Variants in MCF2L observed in about 807,000 individuals in gnomAD.
MCF2L encodes the protein guanine nucleotide exchange factor DBS.
A neutral mutation model predicts 153.4 loss-of-function variants in MCF2L; 97 were observed. The observed-to-expected ratio is 0.63, with a 90% confidence interval of 0.54 to 0.75. MCF2L has a LOEUF of 0.75. Ranked by LOEUF, MCF2L falls within the 30% of genes least tolerant of loss-of-function variation. The pLI is 0.00. For synonymous variants in MCF2L, 659 were observed against 632.2 expected, an observed-to-expected ratio of 1.04 and a Z score of -0.64; for missense variants, 1,347 against 1,495.2, an observed-to-expected ratio of 0.90 and a Z score of 1.64.
intron 1 of MCF2L, among the ~76,000 whole-genome samples, chr13:113,012,362 G>A (rs2084203216): frequency 1.9e-5 from 2 of 105,384 alleles, no homozygotes; most frequent in Admixed American, 9.1e-5. Flanking sequence ...TGGACACTGT[G>A]ATGCGGACGG....
intron 1 of MCF2L, among the ~76,000 whole-genome samples, chr13:112,895,329 A>C (rs1490804740): frequency 2.0e-5 from 3 of 152,138 alleles, no homozygotes; most frequent in Non-Finnish European, 4.4e-5. Flanking sequence ...CCGCCCAGGC[A>C]GGATGTGCCG....
intron 15 of MCF2L, among the ~76,000 whole-genome samples, chr13:113,079,225 T>C (rs2033841020): frequency 6.6e-6 from 1 of 151,982 alleles, no homozygotes; most frequent in Non-Finnish European, 1.5e-5. Context: ...ACTCAGGGAG[T>C]GTTGTGCAAA....
intron 12 of MCF2L, among the ~76,000 whole-genome samples, 167 bp from the exon 13 acceptor site, chr13:113,076,885 G>A (rs970378634): frequency 9.2e-5 from 14 of 152,386 alleles, no homozygotes; most frequent in South Asian, 2.1e-4. Context: ...CCCCCTCTCC[G>A]TCCGTAGTGG....
At chr13:113,036,523 G>A (rs555975796) in intron 3 of MCF2L, among the ~76,000 whole-genome samples, 3 of 152,324 alleles carry the variant, frequency 2.0e-5, no homozygotes, top group Admixed American at 6.5e-5. Flanking sequence ...GCAGGCCAGG[G>A]CATCAGGTGG....
chr13:112,901,220 C>A (rs2081116804), intron 1 of MCF2L, among the ~76,000 whole-genome samples: 2 of 152,132 alleles, frequency 1.3e-5, no homozygotes, highest in Admixed American at 1.3e-4. Flanking sequence ...GTGGTGCAAT[C>A]TCAGCTCACT....
rs1233472438 is a variant in MCF2L at position 113,044,221 on chromosome 13, T to C, written c.279-1050T>C. ...TGTTATTGAATCAAATTACCCTACATGTGAGGCATTTTTCACGGCCAGATG... is the reference window on the plus strand; with the variant it reads ...TGTTATTGAATCAAATTACCCTACACGTGAGGCATTTTTCACGGCCAGATG... On this transcript the variant is annotated intron_variant, in intron 3 of 29. Coordinates refer to ENST00000535094, the MANE Select transcript of MCF2L (RefSeq NM_001112732.3). 47 of 248,040 alleles carry C rather than the reference T, an allele frequency of 1.9e-4. No individual in the cohort carries two copies. In the Admixed American group the frequency reaches 2.2e-3, roughly 12 times the overall value. The allele number at this position is 248,040 out of a possible 1,614,324, so 15.4% of individuals were successfully genotyped here.
intron 1 of MCF2L, among the ~76,000 whole-genome samples, chr13:112,970,553 G>GTGCAGGGTT (rs1038264628): frequency 6.6e-6 from 1 of 152,106 alleles, no homozygotes; most frequent in Non-Finnish European, 1.5e-5. Flanking sequence ...GAGCTTTTCC[G>GTGCAGGGTT]TGCAGGGTTT....
At chr13:112,972,327 GGAT>G (rs1192597898) in intron 1 of MCF2L, among the ~76,000 whole-genome samples, 2 of 150,384 alleles carry the variant, frequency 1.3e-5, no homozygotes, top group Non-Finnish European at 3.0e-5. Context: ...ATGGATGGAT[GGAT>G]GATGATGGAT....
intron 1 of MCF2L, among the ~76,000 whole-genome samples, chr13:112,990,229 C>T (rs1478340080): frequency 6.6e-6 from 1 of 152,348 alleles, no homozygotes; most frequent in East Asian, 1.9e-4. Flanking sequence ...CACCCTTCGT[C>T]ACTTTCTTAT....
intron 5 of MCF2L, among the ~76,000 whole-genome samples, chr13:113,062,391 T>A (rs920017176): frequency 2.0e-5 from 3 of 152,114 alleles, no homozygotes; most frequent in Non-Finnish European, 2.9e-5. Context: ...TCTTGGTGGC[T>A]TGTGTGTGTT....
chr13:113,067,254 A>G (rs1204835558), intron 8 of MCF2L, among the ~76,000 whole-genome samples: 1 of 151,038 alleles, frequency 6.6e-6, no homozygotes, highest in East Asian at 2.0e-4. Flanking sequence ...TGGGTGGTGC[A>G]CAGCTGGAGT....
intron 1 of MCF2L, chr13:113,001,661 C>T: frequency 7.6e-7 from 1 of 1,318,812 alleles, no homozygotes; most frequent in Non-Finnish European, 9.6e-7. Flanking sequence ...GCCAGGATCG[C>T]AACAGTTAAG....
chr13:113,048,664 A>C (rs191451191), intron 4 of MCF2L, among the ~76,000 whole-genome samples: 4 of 152,090 alleles, frequency 2.6e-5, no homozygotes, highest in South Asian at 2.1e-4. Context: ...GGATGGTCTC[A>C]ATCTCCTGAC....
chr13:112,952,464 G>T (rs1007132180), intron 2 of MCF2L, among the ~76,000 whole-genome samples: 2 of 152,182 alleles, frequency 1.3e-5, no homozygotes, highest in East Asian at 3.9e-4. Flanking sequence ...AGGTGAGGAG[G>T]AATCTCCGTT....
intron 2 of MCF2L, among the ~76,000 whole-genome samples, chr13:112,924,586 CAG>C (rs2081384832): frequency 6.6e-6 from 1 of 152,174 alleles, no homozygotes; most frequent in Admixed American, 6.5e-5. Context: ...TCCTGAGACA[CAG>C]AAGACTTGAA....
intron 2 of MCF2L, among the ~76,000 whole-genome samples, chr13:113,021,186 G>T (rs1007644311): frequency 6.6e-6 from 1 of 152,114 alleles, no homozygotes; most frequent in Admixed American, 6.5e-5. Flanking sequence ...GTGCAGCTAT[G>T]TATCTGTGTA....
chr13:112,961,600 C>A (rs1335033225), intron 2 of MCF2L, among the ~76,000 whole-genome samples: 2 of 152,246 alleles, frequency 1.3e-5, no homozygotes, highest in Admixed American at 1.3e-4. Flanking sequence ...CCACCCCTCT[C>A]GAGGCCCTTC....
chr13:113,077,186 G>A lies in MCF2L; in HGVS notation c.1635G>A (p.Leu545=), dbSNP rs2033581935. The change falls in exon 13 of 30, where the codon CTG becomes CTA. Residue 545 remains leucine (L), a synonymous_variant. Transcript: ENST00000535094. ...VQPVAPRPEA[L]AKSPCPSPGI... The stretch of plus-strand genomic sequence containing the variant: ...CGGTGGCCCCCAGACCCGAGGCACT[G>A]GCAAAGTCGCCCTGCCCCTCCCCAG... 6.3e-7 allele frequency: 1 copy of A among 1,598,904 alleles called. No homozygotes were observed.
At chr13:113,088,434 C>T (rs374645871) in intron 24 of MCF2L, 29 bp downstream of exon 24, 19 of 1,612,114 alleles carry the variant, frequency 1.2e-5, no homozygotes, top group East Asian at 1.1e-4. Flanking sequence ...GATCGTTTCC[C>T]GTAGCTTCCG....
Sources: allele counts gnomAD v4.1 joint callset (sites outside exome capture counted in the v4.1 genomes callset), GRCh38; gene constraint gnomAD v4.1.1; transcripts MANE v1.5; gene names NCBI Gene and HGNC (gene_info 2026-07-23, HGNC 2026-07-21).